The following ZZEF1 variants were observed in gnomAD, a reference collection of about 807,000 sequenced individuals.
ZZEF1 encodes the protein zinc finger ZZ-type and EF-hand domain containing 1.
A neutral mutation model predicts 342.8 loss-of-function variants in ZZEF1; 157 were observed. That is an observed-to-expected ratio of 0.46 (90% CI 0.40 to 0.52). ZZEF1 has a LOEUF of 0.52. Ranked by LOEUF, ZZEF1 falls within the 20% of genes least tolerant of loss-of-function variation. The pLI, the probability that ZZEF1 is intolerant of heterozygous loss-of-function variation, is 0.00. For missense variants in ZZEF1, 3,480 were observed against 3,725.6 expected (o/e 0.93, Z 1.72); for synonymous variants, 1,505 against 1,429.1 (o/e 1.05, Z -1.20).
intron 52 of ZZEF1, among the ~76,000 whole-genome samples, chr17:4,012,940 G>T (rs1244439598): frequency 6.6e-6 from 1 of 152,004 alleles, no homozygotes; most frequent in East Asian, 1.9e-4. Flanking sequence ...ATATTACTAA[G>T]ACCTAAACAA....
In ZZEF1 at chr17:4,016,724, A is replaced by C; in HGVS notation, c.8002-258T>G. The C allele has an allele frequency of 2.4e-6, 1 of 413,610 alleles. No homozygotes were observed. The highest frequency in any genetic ancestry group is 4.1e-5 in the East Asian group (1 of 24,412). The allele number at this position is 413,610 out of a possible 1,614,324, so 25.6% of individuals were successfully genotyped here. On this transcript the variant is annotated intron_variant, in intron 48 of 54. Coordinates refer to ENST00000381638, the MANE Select transcript of ZZEF1 (RefSeq NM_015113.4). This position sits in a 1 kb window ranked among gnomAD's most constrained non-coding sequence, Gnocchi z 4.4. ...TCTGAAAGAACTAACTGAACCAATC[A>C]TAAAGGGTCCTGGTCCTTGAAGGAG...
chr17:4,112,609 A>G lies in ZZEF1; in HGVS notation c.1066T>C (p.Tyr356His). ...LLENANVSQL[Y>H]VQINIKRCLS... Reference sequence around the variant, plus strand: ...ATCCCCTCAGTTCTGTTGGACTTACAGAGCTGACTGACGTTGGCATTTTCC... The same window carrying G: ...ATCCCCTCAGTTCTGTTGGACTTACGGAGCTGACTGACGTTGGCATTTTCC... The change falls in exon 5 of 55, where the codon TAT (tyrosine) becomes CAT (histidine). Residue 356 changes from tyrosine (Y) to histidine (H), a missense_variant and splice_region_variant. Physicochemically the swap from Tyr to His is moderately conservative, Grantham distance 83 (BLOSUM62 2). Coordinates refer to ENST00000381638, the MANE Select transcript of ZZEF1 (RefSeq NM_015113.4). 1 of 1,614,150 alleles carries G rather than the reference A, an allele frequency of 6.2e-7. No homozygotes were observed. The highest frequency in any genetic ancestry group is 8.5e-7 in the Non-Finnish European group (1 of 1,180,020).
intron 2 of ZZEF1, among the ~76,000 whole-genome samples, chr17:4,118,585 T>C (rs2058434940): frequency 6.6e-6 from 1 of 152,166 alleles, no homozygotes; most frequent in Non-Finnish European, 1.5e-5. Flanking sequence ...CCTTCTGTCC[T>C]GGACCCCTCT....
intron 42 of ZZEF1, among the ~76,000 whole-genome samples, chr17:4,031,820 A>C (rs1240624849): frequency 6.6e-6 from 1 of 152,192 alleles, no homozygotes; most frequent in African/African-American, 2.4e-5. Context: ...AATATGTTTA[A>C]ATTACCCATA....
Position 4,086,656 on chromosome 17 carries a change from C to G in ZZEF1, c.2343-1G>C. The G allele has an allele frequency of 6.2e-7, 1 of 1,613,404 alleles. No homozygotes were observed. The highest frequency in any genetic ancestry group is 8.5e-7 in the Non-Finnish European group (1 of 1,179,966). The stretch of plus-strand genomic sequence containing the variant: ...GGCAGAGACGCATTCTTCCCTCGGG[C>G]TACAGAAAGACAAAAAACATCAGAG... On this transcript the variant is annotated splice_acceptor_variant, in intron 14 of 54. Transcript: ENST00000381638. LOFTEE classifies it high-confidence loss of function.
In ZZEF1 at chr17:4,095,913, A is replaced by G; in HGVS notation, c.1831T>C (p.Phe611Leu). Residue 611 changes from phenylalanine (F) to leucine (L), a missense_variant, in exon 11 of 55, where the codon TTT becomes CTT. Phe to Leu is a conservative substitution (Grantham distance 22). Around this residue, in one of 5 missense-constraint regions of ZZEF1, gnomAD observed 1,528 missense variants for 1,624.1 expected, o/e 0.94. Transcript: ENST00000381638. ...CTTTTGAAGTGTTCTTCCGCACAAAATTTATCTGAAGATGAGTTATAGGCA... is the reference window on the plus strand; with the variant it reads ...CTTTTGAAGTGTTCTTCCGCACAAAGTTTATCTGAAGATGAGTTATAGGCA... ...VFAYNSSSDK[F>L]CAEEHFKRFE... 6.2e-7 allele frequency: 1 copy of G among 1,613,852 alleles called. No individual in the cohort carries two copies. Among genetic ancestry groups the G allele is most frequent in the Non-Finnish European group, 8.5e-7 (1 of 1,179,814 alleles).
Position 4,062,810 on chromosome 17 carries a change from T to G in ZZEF1, c.4826A>C (p.His1609Pro). The change falls in exon 30 of 55, where the codon CAT (histidine) becomes CCT (proline). Residue 1609 changes from histidine (H) to proline (P), a missense_variant. Transcript: ENST00000381638. ...CAACAGGAAAAGTATGAAAGGTGGA[T>G]GGAAGCAGTGGGGCTGCCCAAGGGA... ...AESLGQPHCF[H>P]PPFILFLLEL... The G allele has an allele frequency of 6.2e-7, 1 of 1,613,162 alleles. No individual in the cohort carries two copies. The highest frequency in any genetic ancestry group is 8.5e-7 in the Non-Finnish European group (1 of 1,179,570).
intron 8 of ZZEF1, among the ~76,000 whole-genome samples, chr17:4,103,251 A>AT (rs1378626368): frequency 6.6e-6 from 1 of 152,166 alleles, no homozygotes; most frequent in Non-Finnish European, 1.5e-5. Flanking sequence ...AGAAAAAAAA[A>AT]ATTAAACAGG....
chr17:4,032,788 G>A (rs368088961), intron 41 of ZZEF1, 40 bp downstream of exon 41: 10 of 1,605,962 alleles, frequency 6.2e-6, no homozygotes, highest in Non-Finnish European at 8.5e-6. Flanking sequence ...GTGAAGACTG[G>A]AAGGGGTGAC....
At chr17:4,128,572 G>T (rs1173899560) in intron 1 of ZZEF1, among the ~76,000 whole-genome samples, 2 of 149,272 alleles carry the variant, frequency 1.3e-5, no homozygotes, top group African/African-American at 4.9e-5. Context: ...TGATTCTCCT[G>T]CCTCAGCCTC....
intron 1 of ZZEF1, among the ~76,000 whole-genome samples, chr17:4,135,233 C>T (rs993199748): frequency 2.0e-5 from 3 of 152,120 alleles, no homozygotes; most frequent in Non-Finnish European, 4.4e-5. Context: ...CCCAGCACTT[C>T]GGGAGCCCAA....
intron 52 of ZZEF1, among the ~76,000 whole-genome samples, chr17:4,011,685 T>C (rs759505901): frequency 3.3e-5 from 5 of 152,154 alleles, no homozygotes; most frequent in Non-Finnish European, 7.4e-5. Context: ...TTATATAATA[T>C]TGGATTTTGC....
intron 52 of ZZEF1, 79 bp from the exon 53 acceptor site, chr17:4,009,836 C>T (rs1597746538): frequency 6.7e-7 from 1 of 1,497,866 alleles, no homozygotes; most frequent in East Asian, 2.4e-5. Flanking sequence ...GCAGGAACCA[C>T]AGCTCAGACC....
At chr17:4,023,276 C>A (rs542697820) in intron 43 of ZZEF1, among the ~76,000 whole-genome samples, 52 of 152,244 alleles carry the variant, frequency 3.4e-4, no homozygotes, top group Admixed American at 1.3e-3. Flanking sequence ...TGACCCACAG[C>A]AGTTTTTCTC....
chr17:4,019,801 C>A, intron 45 of ZZEF1, 32 bp from the exon 46 acceptor site: 2 of 1,525,640 alleles, frequency 1.3e-6, no homozygotes, highest in South Asian at 1.2e-5. Context: ...AGACAAGAAC[C>A]ATTAACAGTG....
At chr17:4,111,487 G>A (rs139486027) in intron 5 of ZZEF1, among the ~76,000 whole-genome samples, 44 of 151,826 alleles carry the variant, frequency 2.9e-4, no homozygotes, top group East Asian at 2.5e-3. Context: ...GTGAAACCCC[G>A]TCTCTACTAA....
chr17:4,123,470 A>C (rs2058523162), intron 2 of ZZEF1, among the ~76,000 whole-genome samples: 1 of 151,864 alleles, frequency 6.6e-6, no homozygotes, highest in Non-Finnish European at 1.5e-5. Flanking sequence ...AAATGACGCA[A>C]ATGTGAGGAC....
chr17:4,072,593 C>T lies in ZZEF1; in HGVS notation c.3834+15G>A, dbSNP rs774103179. Reference sequence around the variant, plus strand: ...GTTTCCAGTCTAAATAGAAAGAAAACGGAAGAGTAAATACCTCCTTACTAT... The same window carrying T: ...GTTTCCAGTCTAAATAGAAAGAAAATGGAAGAGTAAATACCTCCTTACTAT... On this transcript the variant is annotated intron_variant, in intron 25 of 54. Transcript: ENST00000381638. The T allele has an allele frequency of 2.8e-5, 44 of 1,588,010 alleles. No homozygotes were observed. The highest frequency in any genetic ancestry group is 1.7e-4 in the Middle Eastern group (1 of 5,956).
intron 38 of ZZEF1, 71 bp from the exon 39 acceptor site, chr17:4,042,639 C>T: frequency 6.8e-7 from 1 of 1,466,356 alleles, no homozygotes; most frequent in African/African-American, 1.4e-5. Context: ...TAAACCACTG[C>T]ACTGTCCCCT....
Sources: gnomAD v4.1 joint callset for allele counts (sites outside exome capture counted in the v4.1 genomes callset) on GRCh38, gnomAD v4.1.1 for gene constraint, gnomAD v4.1.1 regional missense constraint, Gnocchi (gnomAD v3.1) non-coding constraint, MANE v1.5 for transcripts, NCBI Gene and HGNC (gene_info 2026-07-23, HGNC 2026-07-21) for gene names.